CTXN3: variants seen among roughly 807,000 people sequenced by gnomAD.
The protein encoded by CTXN3 is cortexin 3.
In CTXN3, 4 loss-of-function variants were observed where a neutral mutation model predicts 5.0. The ratio of observed to expected loss-of-function variants is 0.79; its 90% CI spans 0.39 to 1.82. CTXN3 has a LOEUF of 1.82. CTXN3 is among the 40% of genes most tolerant of loss of function. The pLI is 0.04. For synonymous variants in CTXN3, 48 were observed against 38.6 expected (o/e 1.24, Z -0.91); for missense variants, 89 against 99.7 (o/e 0.89, Z 0.46).
In CTXN3 at chr5:127,657,716, T is replaced by C; in HGVS notation, c.195T>C (p.Ala65=). ...GAAGCATGCCAACCTCTACCTGGGCTGATGGACTTGAAGGCCTGGAGAAAG... is the reference window on the plus strand; with the variant it reads ...GAAGCATGCCAACCTCTACCTGGGCCGATGGACTTGAAGGCCTGGAGAAAG... ...PYRSMPTSTW[A]DGLEGLEKGQ... Residue 65 remains alanine (A), a synonymous_variant, in exon 3 of 3, where the codon GCT becomes GCC. Coordinates refer to ENST00000379445, the MANE Select transcript of CTXN3 (RefSeq NM_001048252.3). 1 of 1,614,210 alleles carries C rather than the reference T, an allele frequency of 6.2e-7. No individual in the cohort carries two copies. The highest frequency in any genetic ancestry group is 8.5e-7 in the Non-Finnish European group (1 of 1,180,022).
intron 1 of CTXN3, among the ~76,000 whole-genome samples, chr5:127,649,740 C>T (rs1363244768): frequency 6.6e-6 from 1 of 151,962 alleles, no homozygotes; most frequent in African/African-American, 2.4e-5. Context: ...AACGTCCAAC[C>T]TTCCAAAATG....
chr5:127,657,557 G>A lies in CTXN3; in HGVS notation c.36G>A (p.Val12=), dbSNP rs45074. 3 of 1,613,810 alleles carry A rather than the reference G, an allele frequency of 1.9e-6. No individual in the cohort carries two copies. Among genetic ancestry groups the A allele is most frequent in the East Asian group, 4.5e-5 (2 of 44,874 alleles). ...DGGQPIPSSL[V]PLGNESADSS... ...GACAGCCCATCCCCTCATCCCTAGT[G>A]CCCCTTGGGAACGAATCAGCAGATT... The change falls in exon 3 of 3, where the codon GTG becomes GTA. Residue 12 remains valine, a synonymous_variant. Transcript: ENST00000379445.
chr5:127,651,161 T>C (rs902787127), intron 1 of CTXN3, among the ~76,000 whole-genome samples: 1 of 152,132 alleles, frequency 6.6e-6, no homozygotes, highest in African/African-American at 2.4e-5. Context: ...ATAAGGTTGA[T>C]AGTATATCTT....
chr5:127,652,486 T>A (rs944758628), intron 1 of CTXN3: 4 of 152,092 alleles, frequency 2.6e-5, no homozygotes, highest in Non-Finnish European at 4.4e-5. Context: ...AGACTCGCAC[T>A]GTAATCAGTG....
At chr5:127,650,524 G>T (rs1298567487) in intron 1 of CTXN3, among the ~76,000 whole-genome samples, 1 of 152,158 alleles carries the variant, frequency 6.6e-6, no homozygotes, top group Non-Finnish European at 1.5e-5. Context: ...CAAGGGGAGT[G>T]GGAGGATTTA....
chr5:127,658,138 G>A lies in CTXN3; in HGVS notation c.*371G>A, dbSNP rs1749959059. 1.3e-5 allele frequency: 3 copies of A among 233,028 alleles called. No homozygotes were observed. Among genetic ancestry groups the A allele is most frequent in the South Asian group, 7.5e-5 (1 of 13,324 alleles). 14.4% of individuals were successfully genotyped at this position (233,028 alleles called of 1,614,324 possible). A position where few individuals can be genotyped will look rare whatever the true frequency, so the allele number is the denominator to read the frequency against. On this transcript the variant is annotated 3_prime_UTR_variant, in exon 3 of 3. Coordinates refer to ENST00000379445, the MANE Select transcript of CTXN3 (RefSeq NM_001048252.3). Reference sequence around the variant, plus strand: ...GGATCTCATATGAATCTGGTGACAAGGCCAGGAAGAGATTTCCTTGCTCTA... The same window carrying A: ...GGATCTCATATGAATCTGGTGACAAAGCCAGGAAGAGATTTCCTTGCTCTA...
intron 2 of CTXN3, 93 bp downstream of exon 2, chr5:127,653,516 T>C (rs1015972413): frequency 1.3e-5 from 2 of 152,184 alleles, no homozygotes; most frequent in African/African-American, 4.8e-5. Context: ...TTTGAAATAA[T>C]AGACTTGCAC....
intron 2 of CTXN3, among the ~76,000 whole-genome samples, chr5:127,655,764 G>A (rs7711139): frequency 0.12 from 18,227 of 151,964 alleles, 1,336 homozygotes; most frequent in East Asian, 0.29. Context: ...TTTAAAATGC[G>A]GTCAAATTTT....
At chr5:127,651,693 A>G (rs1211058301) in intron 1 of CTXN3, 1 of 152,144 alleles carries the variant, frequency 6.6e-6, no homozygotes, top group Non-Finnish European at 1.5e-5. Flanking sequence ...TACTGCAACT[A>G]TTAATTAGAT....
intron 2 of CTXN3, among the ~76,000 whole-genome samples, chr5:127,655,786 T>TA (rs1418863827): frequency 6.6e-6 from 1 of 152,224 alleles, no homozygotes; most frequent in Non-Finnish European, 1.5e-5. Context: ...ATCCCAATCT[T>TA]ACTTCCAAAC....
chr5:127,656,205 T>C (rs868674599), intron 2 of CTXN3, among the ~76,000 whole-genome samples: 2 of 152,190 alleles, frequency 1.3e-5, no homozygotes, highest in South Asian at 2.1e-4. Flanking sequence ...ATTTTCTATA[T>C]AGTAGTAGTG....
chr5:127,657,854 C>A lies in CTXN3; in HGVS notation c.*87C>A. On this transcript the variant is annotated 3_prime_UTR_variant, in exon 3 of 3. Coordinates refer to ENST00000379445, the MANE Select transcript of CTXN3 (RefSeq NM_001048252.3). ...CCTTTATTTAGTGTTCTCAACAAAT[C>A]AAATTTAAACAATATTTGGTCCCAG... The A allele has an allele frequency of 6.8e-7, 1 of 1,464,556 alleles. No individual in the cohort carries two copies. Among genetic ancestry groups the A allele is most frequent in the Non-Finnish European group, 9.3e-7 (1 of 1,072,874 alleles). 90.7% of individuals were successfully genotyped at this position (1,464,556 alleles called of 1,614,324 possible). A position where few individuals can be genotyped will look rare whatever the true frequency, so the allele number is the denominator to read the frequency against.
At chr5:127,652,790 C>T (rs1409927765) in intron 1 of CTXN3, among the ~76,000 whole-genome samples, 1 of 152,290 alleles carries the variant, frequency 6.6e-6, no homozygotes, top group East Asian at 1.9e-4. Context: ...GGACATTCTC[C>T]ACAGGTGTCC....
Position 127,658,502 on chromosome 5 carries a change from T to C in CTXN3, c.*735T>C, listed in dbSNP as rs1402515394. ...TTACACAAATGATTTAAAAAATAGG[T>C]TGCAAGTGCAGCTTAAAGTTTTTTT... On this transcript the variant is annotated 3_prime_UTR_variant, in exon 3 of 3. Transcript: ENST00000379445. 6.0e-6 allele frequency: 1 copy of C among 167,124 alleles called. No homozygotes were observed. The highest frequency in any genetic ancestry group is 2.4e-5 in the African/African-American group (1 of 41,470). 10.4% of individuals were successfully genotyped at this position (167,124 alleles called of 1,614,324 possible). A position where few individuals can be genotyped will look rare whatever the true frequency, so the allele number is the denominator to read the frequency against.
chr5:127,652,677 C>T (rs1345801667), intron 1 of CTXN3, among the ~76,000 whole-genome samples: 1 of 151,798 alleles, frequency 6.6e-6, no homozygotes, highest in Non-Finnish European at 1.5e-5. Flanking sequence ...CCCTCCTCTC[C>T]ACAGATGGAA....
rs1333003917 is a variant in CTXN3, at chr5:127,657,483, A to G, written c.-39A>G. On this transcript the variant is annotated 5_prime_UTR_variant, in exon 3 of 3. Transcript: ENST00000379445. Reference sequence around the variant, plus strand: ...CTCCGCAGATTGATGATGGAAGAAAAGAAAACCAGGATATCCTGTGCTCTG... The same window carrying G: ...CTCCGCAGATTGATGATGGAAGAAAGGAAAACCAGGATATCCTGTGCTCTG... The G allele has an allele frequency of 6.2e-7, 1 of 1,607,778 alleles. No homozygotes were observed. Among genetic ancestry groups the G allele is most frequent in the East Asian group, 2.2e-5 (1 of 44,812 alleles).
In CTXN3 at chr5:127,657,479, G is replaced by C; in HGVS notation, c.-43G>C. On this transcript the variant is annotated 5_prime_UTR_variant, in exon 3 of 3. Transcript: ENST00000379445. ...TGACCTCCGCAGATTGATGATGGAA[G>C]AAAAGAAAACCAGGATATCCTGTGC... 1 of 1,606,888 alleles carries C rather than the reference G, an allele frequency of 6.2e-7. No individual in the cohort carries two copies. Among genetic ancestry groups the C allele is most frequent in the African/African-American group, 1.3e-5 (1 of 74,864 alleles).
intron 1 of CTXN3, among the ~76,000 whole-genome samples, chr5:127,650,829 CT>C (rs1437336897): frequency 6.6e-6 from 1 of 152,092 alleles, no homozygotes; most frequent in Non-Finnish European, 1.5e-5. Context: ...ATTTACACAT[CT>C]AGGGTGGGTG....
chr5:127,657,857 A>G lies in CTXN3; in HGVS notation c.*90A>G. The G allele has an allele frequency of 6.8e-7, 1 of 1,470,758 alleles. No individual in the cohort carries two copies. Among genetic ancestry groups the G allele is most frequent in the Non-Finnish European group, 9.3e-7 (1 of 1,078,762 alleles). 91.1% of individuals were successfully genotyped at this position (1,470,758 alleles called of 1,614,324 possible). A position where few individuals can be genotyped will look rare whatever the true frequency, so the allele number is the denominator to read the frequency against. On this transcript the variant is annotated 3_prime_UTR_variant, in exon 3 of 3. Transcript: ENST00000379445. The stretch of plus-strand genomic sequence containing the variant: ...TTATTTAGTGTTCTCAACAAATCAA[A>G]TTTAAACAATATTTGGTCCCAGGAC...
Sources: allele counts gnomAD v4.1 joint callset (sites outside exome capture counted in the v4.1 genomes callset), GRCh38; gene constraint gnomAD v4.1.1; transcripts MANE v1.5; gene names NCBI Gene and HGNC (gene_info 2026-07-23, HGNC 2026-07-21).